Variants in PADI3 observed in about 807,000 individuals in gnomAD.
The protein encoded by PADI3 is protein-arginine deiminase type-3.
A neutral mutation model predicts 71.5 loss-of-function variants in PADI3; 53 were observed. That is an observed-to-expected ratio of 0.74 (90% CI 0.59 to 0.93). The LOEUF (loss-of-function observed/expected upper bound fraction) is 0.93, where lower values mean the gene tolerates loss of function less well. PADI3 is among the 40% of genes least tolerant of loss of function. The pLI is 0.00. For missense variants in PADI3, 821 were observed against 868.0 expected, an observed-to-expected ratio of 0.95 and a Z score of 0.68; for synonymous variants, 361 against 347.5, an observed-to-expected ratio of 1.04 and a Z score of -0.43.
chr1:17,268,031 T>C, intron 6 of PADI3, 69 bp downstream of exon 6: 1 of 1,590,650 alleles, frequency 6.3e-7, no homozygotes, highest in Admixed American at 1.7e-5. Flanking sequence ...GAACCTCCTG[T>C]TCCTGCCTTG....
In PADI3 at chr1:17,279,782, T is replaced by G. The variant is rs149553175; in HGVS notation, c.1556-568T>G. Among the ~76,000 whole-genome samples, 523 of 152,298 alleles carry G rather than the reference T, an allele frequency of 3.4e-3. 8 individuals are homozygous for G. In the East Asian group the frequency reaches 0.045, roughly 13 times the overall value. ...TACTAAGTAGCAGCCATGAGGATTG[T>G]GTGCCATTGACTCTAGCCTCCGCTT... On this transcript the variant is annotated intron_variant, in intron 13 of 15. Coordinates refer to ENST00000375460, the MANE Select transcript of PADI3 (RefSeq NM_016233.2).
intron 7 of PADI3, 30 bp downstream of exon 7, chr1:17,270,441 C>A: frequency 6.3e-7 from 1 of 1,586,978 alleles, no homozygotes; most frequent in Non-Finnish European, 8.6e-7. Context: ...AAGAGGAGCT[C>A]CACTCGGGAC....
intron 2 of PADI3, 67 bp downstream of exon 2, chr1:17,259,825 C>T (rs1336820003): frequency 2.2e-6 from 3 of 1,375,726 alleles, no homozygotes; most frequent in African/African-American, 2.9e-5. Context: ...CTAGGAGGGC[C>T]CAACATTCTC....
chr1:17,264,345 C>A (rs2073138412), intron 3 of PADI3, among the ~76,000 whole-genome samples: 1 of 151,102 alleles, frequency 6.6e-6, no homozygotes, highest in Non-Finnish European at 1.5e-5. Flanking sequence ...CACACACACA[C>A]ACACACACAC....
chr1:17,281,655 G>A (rs2073402358), intron 15 of PADI3, among the ~76,000 whole-genome samples: 1 of 152,176 alleles, frequency 6.6e-6, no homozygotes, highest in African/African-American at 2.4e-5. Flanking sequence ...GTTTTGCCAT[G>A]TTGGCCAGGC....
chr1:17,282,967 G>GC lies in PADI3; in HGVS notation c.1884dup (p.Thr629HisfsTer4), dbSNP rs750279321. ...CTGCTGGAGCCGCTGGGCCTCCACT[G>GC]CACCTTCATTGATGACTTCACTCCA... is the stretch of plus-strand genomic sequence containing the variant. On this transcript the variant is annotated frameshift_variant, in exon 16 of 16. Coordinates refer to ENST00000375460, the MANE Select transcript of PADI3 (RefSeq NM_016233.2). LOFTEE classifies it high-confidence loss of function. The GC allele has an allele frequency of 1.2e-6, 2 of 1,614,048 alleles. No individual in the cohort carries two copies. The highest frequency in any genetic ancestry group is 3.3e-5 in the Admixed American group (2 of 60,008).
rs1156261426 is a variant in PADI3 at position 17,283,469 on chromosome 1, A to C, written c.*390A>C. The C allele has an allele frequency of 5.3e-6, 1 of 189,318 alleles. No individual in the cohort carries two copies. Among genetic ancestry groups the C allele is most frequent in the Non-Finnish European group, 1.1e-5 (1 of 90,648 alleles). 11.7% of individuals were successfully genotyped at this position (189,318 alleles called of 1,614,324 possible). On this transcript the variant is annotated 3_prime_UTR_variant, in exon 16 of 16. Transcript: ENST00000375460. ...GTGCATCCTAACAGAGGAAGGATCC[A>C]TGATTCTGCTTTGGTCCAATTGCTT...
chr1:17,259,621 C>A lies in PADI3; in HGVS notation c.136C>A (p.Pro46Thr). 1 of 1,613,010 alleles carries A rather than the reference C, an allele frequency of 6.2e-7. No individual in the cohort carries two copies. Among genetic ancestry groups the A allele is most frequent in the Non-Finnish European group, 8.5e-7 (1 of 1,179,334 alleles). The change falls in exon 2 of 16, where the codon CCT (proline) becomes ACT (threonine). Residue 46 changes from proline to threonine, a missense_variant. Coordinates refer to ENST00000375460, the MANE Select transcript of PADI3 (RefSeq NM_016233.2). ...AGAAATGTTTGAGGTCTATGGGACG[C>A]CTGGCGTGGACATCTACATCTCTCC... ...GTEMFEVYGT[P>T]GVDIYISPNM...
intron 13 of PADI3, among the ~76,000 whole-genome samples, chr1:17,277,113 T>C (rs2073344564): frequency 6.6e-6 from 1 of 151,686 alleles, no homozygotes; most frequent in Non-Finnish European, 1.5e-5. Context: ...AGCGGGGACA[T>C]AGTGGCTTCC....
chr1:17,262,220 A>C lies in PADI3; in HGVS notation c.346+15A>C. On this transcript the variant is annotated intron_variant, in intron 3 of 15. Transcript: ENST00000375460. ...CACCTGTGTTGGTAAGTTGGGGGCC[A>C]TGTTGATGGTGTGGCCAAGGGCACA... is the stretch of plus-strand genomic sequence containing the variant. 1 of 1,593,590 alleles carries C rather than the reference A, an allele frequency of 6.3e-7. No individual in the cohort carries two copies.
At chr1:17,262,502 G>A (rs773568266) in intron 3 of PADI3, among the ~76,000 whole-genome samples, 6 of 152,138 alleles carry the variant, frequency 3.9e-5, no homozygotes, top group South Asian at 2.1e-4. Context: ...CATAAACTCC[G>A]TGCAAGATGG....
chr1:17,271,836 C>CAAAAAAAAAAA (rs71571852), intron 9 of PADI3, among the ~76,000 whole-genome samples: 12 of 79,408 alleles, frequency 1.5e-4, no homozygotes, highest in Non-Finnish European at 1.6e-4. Context: ...GCAACAACAA[C>CAAAAAAAAAAA]AAAAAAAAAA....
At chr1:17,271,524 C>T (rs748964998) in intron 9 of PADI3, among the ~76,000 whole-genome samples, 1 of 152,274 alleles carries the variant, frequency 6.6e-6, no homozygotes. Context: ...TATCTGCAGA[C>T]AGTGCGCAGG....
intron 13 of PADI3, among the ~76,000 whole-genome samples, chr1:17,277,705 C>T (rs544376271): frequency 5.4e-4 from 83 of 152,348 alleles, no homozygotes; most frequent in African/African-American, 1.9e-3. Context: ...GCACTCTGCC[C>T]CCAGCAGGAG....
intron 3 of PADI3, among the ~76,000 whole-genome samples, chr1:17,264,660 T>C (rs2073143229): frequency 1.3e-5 from 2 of 152,208 alleles, no homozygotes; most frequent in South Asian, 4.1e-4. Flanking sequence ...CCCTATGCTA[T>C]GTTTGTGAGA....
intron 15 of PADI3, among the ~76,000 whole-genome samples, chr1:17,281,200 A>G (rs2073395986): frequency 6.6e-6 from 1 of 152,240 alleles, no homozygotes; most frequent in Non-Finnish European, 1.5e-5. Flanking sequence ...AGAGATGATT[A>G]AGAATGCCCC....
At chr1:17,264,582 A>G (rs2977269) in intron 3 of PADI3, among the ~76,000 whole-genome samples, 37,466 of 151,974 alleles carry the variant, frequency 0.25, 4,670 homozygotes, top group South Asian at 0.31. Context: ...ACATGGTCTC[A>G]TTTTATCATC....
Position 17,260,804 on chromosome 1 carries a change from A to G in PADI3, c.273+1046A>G, listed in dbSNP as rs370447097. ...GCAGAGCTGGTGAGAGTCAGGACAG[A>G]GTCCCAGGGGTAGTGCAAGAGGACT... On this transcript the variant is annotated intron_variant, in intron 2 of 15. Transcript: ENST00000375460. 2.9e-4 allele frequency among the ~76,000 whole-genome samples: 44 copies of G among 152,320 alleles called. 1 individual carries two copies. The highest frequency in any genetic ancestry group is 1.0e-3 in the African/African-American group (43 of 41,566).
At chr1:17,257,766 A>C (rs558682780) in intron 1 of PADI3, among the ~76,000 whole-genome samples, 11 of 152,144 alleles carry the variant, frequency 7.2e-5, no homozygotes, top group African/African-American at 2.7e-4. Flanking sequence ...AAGCGGGGGG[A>C]GTGGCCAGCT....
Sources: gnomAD v4.1 joint callset for allele counts (sites outside exome capture counted in the v4.1 genomes callset) on GRCh38, gnomAD v4.1.1 for gene constraint, MANE v1.5 for transcripts, NCBI Gene and HGNC (gene_info 2026-07-23, HGNC 2026-07-21) for gene names.